ERC2: variants seen among roughly 807,000 people sequenced by gnomAD.
The protein encoded by ERC2 is ELKS/RAB6-interacting/CAST family member 2, also known as ERC protein 2.
In ERC2, 42 loss-of-function variants were observed where a neutral mutation model predicts 114.8. The observed-to-expected ratio is 0.37, with a 90% confidence interval of 0.29 to 0.47. The LOEUF is 0.47. ERC2 is among the 20% of genes least tolerant of loss of function. ERC2 has a pLI of 0.99. For synonymous variants in ERC2, 454 were observed against 425.5 expected (o/e 1.07, Z -0.82); for missense variants, 939 against 1,150.7 (o/e 0.82, Z 2.66).
At position 55,777,850 on chromosome 3, in the gene ERC2, A is replaced by G. The variant is rs545256731; in HGVS notation, c.2565-42932T>C. On this transcript the variant is annotated intron_variant, in intron 14 of 17. Transcript: ENST00000288221. The stretch of plus-strand genomic sequence containing the variant: ...TCAGAATACTGTGCCCATTTAGTGT[A>G]CTGTTTATCAAGATGAAATGTGACC... Among the ~76,000 whole-genome samples the G allele has an allele frequency of 4.5e-4, 69 of 152,334 alleles. 2 individuals are homozygous for G. In the South Asian group the frequency reaches 0.014, roughly 31 times the overall value.
At chr3:55,755,646 C>T (rs946041791) in intron 14 of ERC2, among the ~76,000 whole-genome samples, 2 of 152,042 alleles carry the variant, frequency 1.3e-5, no homozygotes, top group Non-Finnish European at 2.9e-5. Context: ...GCAAAGCAGC[C>T]CCCTTTGAAC....
At chr3:55,833,549 A>T (rs1292563839) in intron 14 of ERC2, among the ~76,000 whole-genome samples, 1 of 152,196 alleles carries the variant, frequency 6.6e-6, no homozygotes, top group African/African-American at 2.4e-5. Flanking sequence ...CTTTACAGAC[A>T]AGCAAATGCT....
At chr3:55,540,082 G>C (rs1298110504) in intron 17 of ERC2, among the ~76,000 whole-genome samples, 1 of 152,060 alleles carries the variant, frequency 6.6e-6, no homozygotes, top group Non-Finnish European at 1.5e-5. Flanking sequence ...GGCATCTTAG[G>C]GAGTTCTTGG....
chr3:55,888,607 C>A (rs2063465291), intron 13 of ERC2, 58 bp from the exon 14 acceptor site: 1 of 1,586,960 alleles, frequency 6.3e-7, no homozygotes, highest in Non-Finnish European at 8.6e-7. Flanking sequence ...ACAAGACATC[C>A]CTTGTTAGCC....
chr3:56,224,995 T>C (rs779956249), intron 3 of ERC2, among the ~76,000 whole-genome samples: 3 of 152,122 alleles, frequency 2.0e-5, no homozygotes, highest in Non-Finnish European at 2.9e-5. Context: ...CCATTCCTCA[T>C]ATACCTCCTG....
chr3:56,173,802 C>A, intron 3 of ERC2: 1 of 336,530 alleles, frequency 3.0e-6, no homozygotes, highest in Non-Finnish European at 5.4e-6. Context: ...TACTGTTCAA[C>A]ACTGGGGCTG....
chr3:56,361,074 G>A (rs2058938710), intron 2 of ERC2, among the ~76,000 whole-genome samples: 1 of 152,140 alleles, frequency 6.6e-6, no homozygotes. Flanking sequence ...AACTGTGAGA[G>A]AACTAGAACC....
At chr3:56,206,348 C>T (rs2048736471) in intron 3 of ERC2, among the ~76,000 whole-genome samples, 1 of 152,056 alleles carries the variant, frequency 6.6e-6, no homozygotes, top group Non-Finnish European at 1.5e-5. Flanking sequence ...CCCAATTTTC[C>T]AATGATGAAG....
At chr3:56,326,810 G>A (rs1204034267) in intron 2 of ERC2, among the ~76,000 whole-genome samples, 1 of 152,080 alleles carries the variant, frequency 6.6e-6, no homozygotes, top group Non-Finnish European at 1.5e-5. Flanking sequence ...CCATGGTTAG[G>A]CACCTGCTCC....
At chr3:55,714,736 A>C in intron 15 of ERC2, among the ~76,000 whole-genome samples, 1 of 139,878 alleles carries the variant, frequency 7.1e-6, no homozygotes, top group Non-Finnish European at 1.5e-5. Context: ...AAAGATGAGC[A>C]CCAACCATTT....
intron 14 of ERC2, among the ~76,000 whole-genome samples, chr3:55,851,284 C>T (rs2061561723): frequency 6.6e-6 from 1 of 152,100 alleles, no homozygotes; most frequent in Non-Finnish European, 1.5e-5. Context: ...GTGGCCTCCC[C>T]AGAGTCCAGG....
chr3:55,641,842 C>G (rs1168480965), intron 17 of ERC2, among the ~76,000 whole-genome samples: 1 of 152,176 alleles, frequency 6.6e-6, no homozygotes, highest in East Asian at 1.9e-4. Context: ...GCCATCTTTT[C>G]CATCCATCTT....
intron 3 of ERC2, among the ~76,000 whole-genome samples, chr3:56,196,289 C>G (rs906797762): frequency 1.3e-5 from 2 of 152,098 alleles, no homozygotes; most frequent in Non-Finnish European, 2.9e-5. Flanking sequence ...CACACTCCCT[C>G]CTCACAGAGA....
At chr3:56,261,031 G>GT (rs1360277848) in intron 3 of ERC2, among the ~76,000 whole-genome samples, 2 of 152,234 alleles carry the variant, frequency 1.3e-5, no homozygotes, top group African/African-American at 4.8e-5. Context: ...ACACGCGACT[G>GT]TAACTACCAC....
In ERC2 at chr3:55,642,405, G is replaced by C. The variant is rs568986969; in HGVS notation, c.*39+41389C>G. Among the ~76,000 whole-genome samples the C allele has an allele frequency of 3.4e-5, 5 of 148,218 alleles. No homozygotes were observed. In the East Asian group the frequency reaches 1.0e-3, roughly 30 times the overall value. On this transcript the variant is annotated intron_variant, in intron 17 of 17. Transcript: ENST00000288221. Reference sequence around the variant, plus strand: ...GCTGGAGTACAGTGGCATGATCTCAGCTCACTGCAACCTCTGCCCCTGGGG... The same window carrying C: ...GCTGGAGTACAGTGGCATGATCTCACCTCACTGCAACCTCTGCCCCTGGGG...
At chr3:56,089,120 G>A (rs892152165) in intron 6 of ERC2, among the ~76,000 whole-genome samples, 1 of 152,044 alleles carries the variant, frequency 6.6e-6, no homozygotes, top group Non-Finnish European at 1.5e-5. Context: ...TGGACAGATG[G>A]GTGTATTACC....
In ERC2 at chr3:55,790,786, G is replaced by A. The variant is rs188350160; in HGVS notation, c.2565-55868C>T. Among the ~76,000 whole-genome samples, 13 of 152,326 alleles carry A rather than the reference G, an allele frequency of 8.5e-5. No homozygotes were observed. The East Asian group carries it at 1.5e-3, about 18-fold the overall frequency. On this transcript the variant is annotated intron_variant, in intron 14 of 17. Coordinates refer to ENST00000288221, the MANE Select transcript of ERC2 (RefSeq NM_015576.3). ...TCAGTGGACAGCAGCCATGCCTACCGTATGTCTGGCACATAGTACATAAAT... is the reference window on the plus strand; with the variant it reads ...TCAGTGGACAGCAGCCATGCCTACCATATGTCTGGCACATAGTACATAAAT...
chr3:56,013,378 T>C (rs748757966), intron 8 of ERC2, among the ~76,000 whole-genome samples: 1 of 152,192 alleles, frequency 6.6e-6, no homozygotes, highest in Non-Finnish European at 1.5e-5. Context: ...TGCAATTAAA[T>C]GTGGATAAAA....
Position 56,080,809 on chromosome 3 carries a change from C to T in ERC2, c.1641+8G>A. ...ACCCCACTTGAAGGTCTTATGTCAG[C>T]TACTCACCTTTTTCTGAAGAACATT... On this transcript the variant is annotated splice_region_variant and intron_variant, in intron 7 of 17. Transcript: ENST00000288221. The T allele has an allele frequency of 6.2e-7, 1 of 1,612,506 alleles. No individual in the cohort carries two copies. The highest frequency in any genetic ancestry group is 8.5e-7 in the Non-Finnish European group (1 of 1,179,406).
Sources: gnomAD v4.1 joint callset for allele counts (sites outside exome capture counted in the v4.1 genomes callset) on GRCh38, gnomAD v4.1.1 for gene constraint, MANE v1.5 for transcripts, NCBI Gene and HGNC (gene_info 2026-07-23, HGNC 2026-07-21) for gene names.